The following HS3ST4 variants were observed in gnomAD, a reference collection of about 807,000 sequenced individuals.
The protein encoded by HS3ST4 is heparan sulfate glucosamine 3-O-sulfotransferase 4.
A neutral mutation model predicts 29.2 loss-of-function variants in HS3ST4; 17 were observed. That is an observed-to-expected ratio of 0.58 (90% CI 0.40 to 0.87). The LOEUF is 0.87. Ranked by LOEUF, HS3ST4 falls within the 40% of genes least tolerant of loss-of-function variation. HS3ST4 has a pLI of 0.00. For synonymous variants in HS3ST4, 314 were observed against 285.7 expected, an observed-to-expected ratio of 1.10 and a Z score of -1.00; for missense variants, 627 against 634.5, an observed-to-expected ratio of 0.99 and a Z score of 0.13.
intron 1 of HS3ST4, among the ~76,000 whole-genome samples, chr16:26,015,433 G>T (rs768619727): frequency 6.6e-6 from 1 of 152,206 alleles, no homozygotes; most frequent in African/African-American, 2.4e-5. Flanking sequence ...ATGCCAATAT[G>T]TGTGTAGTGT....
At chr16:25,820,049 A>AAAAAAG (rs1967134165) in intron 1 of HS3ST4, among the ~76,000 whole-genome samples, 1 of 111,118 alleles carries the variant, frequency 9.0e-6, no homozygotes, top group Non-Finnish European at 1.9e-5. Flanking sequence ...AAAAAAAAAA[A>AAAAAAG]GAAAAAGAAA....
At chr16:25,837,440 A>C (rs1157134011) in intron 1 of HS3ST4, among the ~76,000 whole-genome samples, 1 of 152,244 alleles carries the variant, frequency 6.6e-6, no homozygotes, top group Non-Finnish European at 1.5e-5. Flanking sequence ...AAGGAATGAA[A>C]GAATCTTGTT....
intron 1 of HS3ST4, among the ~76,000 whole-genome samples, chr16:25,781,454 C>T (rs906790111): frequency 6.6e-6 from 1 of 152,186 alleles, no homozygotes; most frequent in Non-Finnish European, 1.5e-5. Context: ...TTTTCATCCT[C>T]TTTCTACCGA....
intron 1 of HS3ST4, among the ~76,000 whole-genome samples, chr16:25,946,428 G>T (rs1437289239): frequency 6.6e-6 from 1 of 152,192 alleles, no homozygotes; most frequent in Non-Finnish European, 1.5e-5. Context: ...AAGGAAGAGG[G>T]ATTAGTTATG....
chr16:25,735,087 C>T (rs1966598251), intron 1 of HS3ST4, among the ~76,000 whole-genome samples: 1 of 152,222 alleles, frequency 6.6e-6, no homozygotes, highest in Admixed American at 6.5e-5. Flanking sequence ...TGACAACCAG[C>T]CCCTTGCTCT....
At chr16:25,983,454 C>T (rs1232399537) in intron 1 of HS3ST4, among the ~76,000 whole-genome samples, 2 of 152,170 alleles carry the variant, frequency 1.3e-5, no homozygotes, top group Non-Finnish European at 2.9e-5. Flanking sequence ...TATTCATGTT[C>T]CCTGTGCCTG....
chr16:25,922,530 G>A (rs901335792), intron 1 of HS3ST4, among the ~76,000 whole-genome samples: 1 of 152,210 alleles, frequency 6.6e-6, no homozygotes, highest in African/African-American at 2.4e-5. Flanking sequence ...AGCCTGAACT[G>A]ACTAAGACAC....
At chr16:25,930,930 A>T (rs924161549) in intron 1 of HS3ST4, among the ~76,000 whole-genome samples, 1 of 151,986 alleles carries the variant, frequency 6.6e-6, no homozygotes, top group Non-Finnish European at 1.5e-5. Flanking sequence ...ACAAAAAAAA[A>T]ACTCAGCTAA....
chr16:25,749,502 G>GAAGAAGAAGAGA (rs911598471), intron 1 of HS3ST4, among the ~76,000 whole-genome samples: 3 of 151,760 alleles, frequency 2.0e-5, no homozygotes, highest in African/African-American at 4.8e-5. Context: ...TATCAAAAAA[G>GAAGAAGAAGAGA]AAGAAGAAGA....
At chr16:25,819,268 C>A (rs1417016637) in intron 1 of HS3ST4, among the ~76,000 whole-genome samples, 1 of 152,186 alleles carries the variant, frequency 6.6e-6, no homozygotes, top group East Asian at 1.9e-4. Context: ...TTTCTTTCAT[C>A]ATTCCACTGC....
At chr16:25,893,533 C>T (rs1968031034) in intron 1 of HS3ST4, among the ~76,000 whole-genome samples, 1 of 152,126 alleles carries the variant, frequency 6.6e-6, no homozygotes, top group Admixed American at 6.5e-5. Flanking sequence ...CATTGGTCAG[C>T]CTTGGGTCAC....
intron 1 of HS3ST4, among the ~76,000 whole-genome samples, chr16:25,727,605 A>G (rs1966545313): frequency 6.6e-6 from 1 of 152,204 alleles, no homozygotes; most frequent in Admixed American, 6.5e-5. Flanking sequence ...AGAAAATCTA[A>G]CAGACACTTG....
At chr16:25,776,434 G>A (rs1186407003) in intron 1 of HS3ST4, among the ~76,000 whole-genome samples, 1 of 152,092 alleles carries the variant, frequency 6.6e-6, no homozygotes, top group Non-Finnish European at 1.5e-5. Context: ...CTATGACCTG[G>A]AAGCCACCTC....
chr16:26,016,981 G>A (rs1248020861), intron 1 of HS3ST4, among the ~76,000 whole-genome samples: 3 of 152,154 alleles, frequency 2.0e-5, no homozygotes, highest in Non-Finnish European at 4.4e-5. Flanking sequence ...AGTCAATCAA[G>A]AAGTTGTGTG....
intron 1 of HS3ST4, among the ~76,000 whole-genome samples, chr16:25,964,017 G>A (rs1968818947): frequency 6.6e-6 from 1 of 151,906 alleles, no homozygotes; most frequent in South Asian, 2.1e-4. Context: ...CTTTAAAAAC[G>A]TACAAAAATT....
chr16:25,972,643 G>C (rs1211324840), intron 1 of HS3ST4, among the ~76,000 whole-genome samples: 1 of 152,182 alleles, frequency 6.6e-6, no homozygotes, highest in Non-Finnish European at 1.5e-5. Context: ...AAAGACAGAA[G>C]GCCCAGGCTT....
rs62036813 is a variant in HS3ST4 at position 26,136,023 on chromosome 16, T to C, written c.1146T>C (p.Thr382=). Residue 382 remains threonine (T), a synonymous_variant, in exon 2 of 2, where the codon ACT becomes ACC. Coordinates refer to ENST00000331351, the MANE Select transcript of HS3ST4 (RefSeq NM_006040.3). Reference sequence around the variant, plus strand: ...TTCTAGGCCTCAAACGTGTTGTGACTGAGAAGCATTTCTATTTCAACAAAA... The same window carrying C: ...TTCTAGGCCTCAAACGTGTTGTGACCGAGAAGCATTTCTATTTCAACAAAA... ...QDFLGLKRVV[T]EKHFYFNKTK... 74 of 1,613,850 alleles carry C rather than the reference T, an allele frequency of 4.6e-5. No individual in the cohort carries two copies. The highest frequency in any genetic ancestry group is 5.0e-5 in the Admixed American group (3 of 60,000).
At chr16:25,698,057 G>T (rs1966310516) in intron 1 of HS3ST4, among the ~76,000 whole-genome samples, 1 of 152,110 alleles carries the variant, frequency 6.6e-6, no homozygotes, top group South Asian at 2.1e-4. Flanking sequence ...GTCCTGGAAA[G>T]TAATTGGGGA....
intron 1 of HS3ST4, among the ~76,000 whole-genome samples, chr16:25,871,189 T>C (rs1390795571): frequency 1.3e-5 from 2 of 152,100 alleles, no homozygotes; most frequent in East Asian, 3.9e-4. Context: ...GCAGGGACAG[T>C]CTTCAAGTTG....
Sources: allele counts gnomAD v4.1 joint callset (sites outside exome capture counted in the v4.1 genomes callset), GRCh38; gene constraint gnomAD v4.1.1; transcripts MANE v1.5; gene names NCBI Gene and HGNC (gene_info 2026-07-23, HGNC 2026-07-21).